The following OR8J3 variants were observed in gnomAD, a reference collection of about 807,000 sequenced individuals.
OR8J3 encodes olfactory receptor family 8 subfamily J member 3.
For missense variants in OR8J3, 418 were observed against 379.8 expected, an observed-to-expected ratio of 1.10 and a Z score of -0.84; for synonymous variants, 170 against 142.6, an observed-to-expected ratio of 1.19 and a Z score of -1.37.
chr11:56,139,976 G>A (rs1854373078), intron 1 of OR8J3, among the ~76,000 whole-genome samples, 197 bp downstream of exon 1: 1 of 152,242 alleles, frequency 6.6e-6, no homozygotes, highest in South Asian at 2.1e-4. Context: ...GAATAGGACA[G>A]GAGGGGCACT....
In OR8J3 at chr11:56,137,413, TC is replaced by T; in HGVS notation, c.305del (p.Gly102GlufsTer11). ...CCGATACAATAAAGAACAAGAACCC[TC>T]CCAGTTGGGTGGCACATTCATAGAA... ...TSFYECATQL[G>X]GFLFFIVSEV... On this transcript the variant is annotated frameshift_variant, in exon 2 of 2. Coordinates refer to ENST00000642058, the MANE Select transcript of OR8J3 (RefSeq NM_001004064.2). LOFTEE classifies it low-confidence loss of function (END_TRUNC). 1 of 1,614,134 alleles carries T rather than the reference TC, an allele frequency of 6.2e-7. No individual in the cohort carries two copies. Among genetic ancestry groups the T allele is most frequent in the Non-Finnish European group, 8.5e-7 (1 of 1,180,036 alleles).
rs1317731348 is a variant in OR8J3 at position 56,136,059 on chromosome 11, C to A, written c.*712G>T. On this transcript the variant is annotated 3_prime_UTR_variant, in exon 2 of 2. Coordinates refer to ENST00000642058, the MANE Select transcript of OR8J3 (RefSeq NM_001004064.2). ...ATACAAAAATAGAACATTTGTTTTACCTATGAAGGATGAATGATATTTAGA... is the reference window on the plus strand; with the variant it reads ...ATACAAAAATAGAACATTTGTTTTAACTATGAAGGATGAATGATATTTAGA... The A allele has an allele frequency of 4.0e-5, 6 of 151,640 alleles. No individual in the cohort carries two copies. In the East Asian group the frequency reaches 1.2e-3, roughly 29 times the overall value. 9.4% of individuals were successfully genotyped at this position (151,640 alleles called of 1,614,324 possible).
Position 56,137,558 on chromosome 11 carries a change from C to T in OR8J3, c.161G>A (p.Arg54Gln), listed in dbSNP as rs374611001. 22 of 1,614,022 alleles carry T rather than the reference C, an allele frequency of 1.4e-5. No homozygotes were observed. The highest frequency in any genetic ancestry group is 1.6e-4 in the Middle Eastern group (1 of 6,084). The change falls in exon 2 of 2, where the codon CGA (arginine) becomes CAA (glutamine). Residue 54 changes from arginine to glutamine, a missense_variant. Arg to Gln is a conservative substitution (Grantham distance 43). Coordinates refer to ENST00000642058, the MANE Select transcript of OR8J3 (RefSeq NM_001004064.2). ...GIITLTSVDS[R>Q]LQNPMYFFLR... is the part of the protein sequence containing the mutation. ...GAAAAAGTACATGGGGTTTTGAAGTCGAGAGTCAACACTGGTGAGGGTGAT... is the reference window on the plus strand; with the variant it reads ...GAAAAAGTACATGGGGTTTTGAAGTTGAGAGTCAACACTGGTGAGGGTGAT...
At position 56,136,807 on chromosome 11, in the gene OR8J3, G is replaced by T. The variant is rs1211417904; in HGVS notation, c.912C>A (p.Phe304Leu). Reference protein sequence around the residue: ...NNDVNVALKKFMENPCYSFKS... With the variant: ...NNDVNVALKKLMENPCYSFKS... ...TAAAGGAGTAACATGGATTTTCCATGAATTTCTTTAAGGCAACATTTACAT... is the reference window on the plus strand; with the variant it reads ...TAAAGGAGTAACATGGATTTTCCATTAATTTCTTTAAGGCAACATTTACAT... The change falls in exon 2 of 2, where the codon TTC (phenylalanine) becomes TTA (leucine). Residue 304 changes from phenylalanine to leucine, a missense_variant. Transcript: ENST00000642058. 3 of 1,598,078 alleles carry T rather than the reference G, an allele frequency of 1.9e-6. No individual in the cohort carries two copies. Among genetic ancestry groups the T allele is most frequent in the South Asian group, 1.1e-5 (1 of 87,970 alleles).
chr11:56,139,996 A>G (rs56358425), intron 1 of OR8J3, among the ~76,000 whole-genome samples, 177 bp downstream of exon 1: 2,353 of 152,380 alleles, frequency 0.015, 36 homozygotes, highest in South Asian at 0.038. Context: ...TAGGTAAATA[A>G]TGATAGACAA....
At chr11:56,138,693 CAA>C (rs71055574) in intron 1 of OR8J3, among the ~76,000 whole-genome samples, 196 bp from the exon 2 acceptor site, 85,764 of 145,378 alleles carry the variant, frequency 0.59, 25,456 homozygotes, top group East Asian at 0.85. Flanking sequence ...GACTCCGTCT[CAA>C]AAAAAAAAAA....
At chr11:56,139,264 C>T (rs1293310945) in intron 1 of OR8J3, among the ~76,000 whole-genome samples, 1 of 151,820 alleles carries the variant, frequency 6.6e-6, no homozygotes, top group Non-Finnish European at 1.5e-5. Flanking sequence ...TTTAAAAGCC[C>T]AGAGCTATTC....
rs1854321683 is a variant in OR8J3 at position 56,135,470 on chromosome 11, TA to T, written c.*1300del. ...TGAATATCTCAACACCAAGGCAAAT[TA>T]AAAGATATCCAATCACTACTTTTCC... is the stretch of plus-strand genomic sequence containing the variant. On this transcript the variant is annotated 3_prime_UTR_variant, in exon 2 of 2. Transcript: ENST00000642058. 1 of 152,044 alleles carries T rather than the reference TA, an allele frequency of 6.6e-6. No individual in the cohort carries two copies. The highest frequency in any genetic ancestry group is 1.5e-5 in the Non-Finnish European group (1 of 67,880). The allele number at this position is 152,044 out of a possible 1,614,324, so 9.4% of individuals were successfully genotyped here. A position where few individuals can be genotyped will look rare whatever the true frequency, so the allele number is the denominator to read the frequency against.
Position 56,137,476 on chromosome 11 carries a change from C to A in OR8J3, c.243G>T (p.Met81Ile), listed in dbSNP as rs754315706. Residue 81 changes from methionine to isoleucine, a missense_variant, in exon 2 of 2, where the codon ATG (methionine) becomes ATT (isoleucine). Physicochemically the swap from Met to Ile is conservative, Grantham distance 10. Transcript: ENST00000642058. The stretch of plus-strand genomic sequence containing the variant: ...TCTTCTTTACTAAAAAGTTCATCAG[C>A]ATTTTAGGGGCAATGACAGTAGAGT... ...LGNSTVIAPK[M>I]LMNFLVKKKT... 1 of 1,614,172 alleles carries A rather than the reference C, an allele frequency of 6.2e-7. No individual in the cohort carries two copies. The highest frequency in any genetic ancestry group is 1.1e-5 in the South Asian group (1 of 91,076).
chr11:56,136,789 G>A lies in OR8J3; in HGVS notation c.930C>T (p.Tyr310=). The change falls in exon 2 of 2, where the codon TAC becomes TAT. Residue 310 remains tyrosine, a synonymous_variant. Coordinates refer to ENST00000642058, the MANE Select transcript of OR8J3 (RefSeq NM_001004064.2). The stretch of plus-strand genomic sequence containing the variant: ...TCTAAAATTACATTGATTTAAAGGA[G>A]TAACATGGATTTTCCATGAATTTCT... The part of the protein sequence containing the change: ...ALKKFMENPC[Y]SFKSM 1 of 1,576,972 alleles carries A rather than the reference G, an allele frequency of 6.3e-7. No homozygotes were observed. The highest frequency in any genetic ancestry group is 8.6e-7 in the Non-Finnish European group (1 of 1,157,670).
chr11:56,139,021 T>A (rs564841672), intron 1 of OR8J3, among the ~76,000 whole-genome samples: 8 of 152,152 alleles, frequency 5.3e-5, no homozygotes, highest in Non-Finnish European at 1.2e-4. Context: ...TTGCATGTAT[T>A]TGCCATAGAT....
chr11:56,134,763 T>G lies in OR8J3; in HGVS notation c.*2008A>C, dbSNP rs889206391. The G allele has an allele frequency of 6.6e-6, 1 of 152,038 alleles. No homozygotes were observed. The highest frequency in any genetic ancestry group is 2.4e-5 in the African/African-American group (1 of 41,428). 9.4% of individuals were successfully genotyped at this position (152,038 alleles called of 1,614,324 possible). A position where few individuals can be genotyped will look rare whatever the true frequency, so the allele number is the denominator to read the frequency against. ...TCAGTGTTTTAATATTTTTCCCTACTTTAGCATCAAAATAAAGTCATATTT... is the reference window on the plus strand; with the variant it reads ...TCAGTGTTTTAATATTTTTCCCTACGTTAGCATCAAAATAAAGTCATATTT... On this transcript the variant is annotated 3_prime_UTR_variant, in exon 2 of 2. Coordinates refer to ENST00000642058, the MANE Select transcript of OR8J3 (RefSeq NM_001004064.2).
Position 56,136,758 on chromosome 11 carries a change from T to C in OR8J3, c.*13A>G. 2 of 1,409,576 alleles carry C rather than the reference T, an allele frequency of 1.4e-6. No individual in the cohort carries two copies. Among genetic ancestry groups the C allele is most frequent in the East Asian group, 2.3e-5 (1 of 43,420 alleles). The allele number at this position is 1,409,576 out of a possible 1,614,324, so 87.3% of individuals were successfully genotyped here. On this transcript the variant is annotated 3_prime_UTR_variant, in exon 2 of 2. Transcript: ENST00000642058. ...CATGAACTATCTCTTCATTTATTTA[T>C]AGAGCTCTAAAATTACATTGATTTA...
In OR8J3 at chr11:56,137,146, A is replaced by T; in HGVS notation, c.573T>A (p.Asp191Glu). 6.2e-7 allele frequency: 1 copy of T among 1,613,492 alleles called. No individual in the cohort carries two copies. The highest frequency in any genetic ancestry group is 8.5e-7 in the Non-Finnish European group (1 of 1,179,780). The change falls in exon 2 of 2, where the codon GAT becomes GAA. Residue 191 changes from aspartate (D) to glutamate (E), a missense_variant. Asp to Glu is a conservative substitution (Grantham distance 45, BLOSUM62 2). Transcript: ENST00000642058. ...AGACTATTGTTTCTGGTATGTAAGT[A>T]TCAGAGCAAGATAATGCTAACAGAG... is the stretch of plus-strand genomic sequence containing the variant. ...IAPLLALSCS[D>E]TYIPETIVFI...
Position 56,135,155 on chromosome 11 carries a change from A to G in OR8J3, c.*1616T>C, listed in dbSNP as rs1854318263. The G allele has an allele frequency of 6.6e-6, 1 of 152,024 alleles. No homozygotes were observed. Among genetic ancestry groups the G allele is most frequent in the African/African-American group, 2.4e-5 (1 of 41,438 alleles). 9.4% of individuals were successfully genotyped at this position (152,024 alleles called of 1,614,324 possible). On this transcript the variant is annotated 3_prime_UTR_variant, in exon 2 of 2. Coordinates refer to ENST00000642058, the MANE Select transcript of OR8J3 (RefSeq NM_001004064.2). ...TTGAGGACCTTGTTAATAGTTTATAAAAACTGAGTTTGGTGGAACAAATTT... is the reference window on the plus strand; with the variant it reads ...TTGAGGACCTTGTTAATAGTTTATAGAAACTGAGTTTGGTGGAACAAATTT...
rs1170924173 is a variant in OR8J3, at chr11:56,134,937, C to T, written c.*1834G>A. 1 of 151,930 alleles carries T rather than the reference C, an allele frequency of 6.6e-6. No individual in the cohort carries two copies. The highest frequency in any genetic ancestry group is 1.5e-5 in the Non-Finnish European group (1 of 67,904). The allele number at this position is 151,930 out of a possible 1,614,324, so 9.4% of individuals were successfully genotyped here. A position where few individuals can be genotyped will look rare whatever the true frequency, so the allele number is the denominator to read the frequency against. On this transcript the variant is annotated 3_prime_UTR_variant, in exon 2 of 2. Transcript: ENST00000642058. ...ATAGTACTCCATTCATTTATTATCG[C>T]ACTAGGTAAACCAATGATTTTTCAA... is the stretch of plus-strand genomic sequence containing the variant.
At chr11:56,139,091 T>G (rs1854364603) in intron 1 of OR8J3, among the ~76,000 whole-genome samples, 1 of 152,188 alleles carries the variant, frequency 6.6e-6, no homozygotes, top group African/African-American at 2.4e-5. Flanking sequence ...TTAATCATGA[T>G]TATTTGCCCC....
Position 56,136,860 on chromosome 11 carries a change from G to A in OR8J3, c.859C>T (p.Pro287Ser). Residue 287 changes from proline (P) to serine (S), a missense_variant, in exon 2 of 2, where the codon CCC becomes TCC. Transcript: ENST00000642058. ...TTATTCCTCAGGCTGTAGATCAAGGGATTCAGCATAGGAATCACCAATGTG... is the reference window on the plus strand; with the variant it reads ...TTATTCCTCAGGCTGTAGATCAAGGAATTCAGCATAGGAATCACCAATGTG... ...FYTLVIPMLNPLIYSLRNNDV... is the reference protein window; with the variant it reads ...FYTLVIPMLNSLIYSLRNNDV... The A allele has an allele frequency of 2.5e-6, 4 of 1,613,488 alleles. No homozygotes were observed. Among genetic ancestry groups the A allele is most frequent in the Non-Finnish European group, 3.4e-6 (4 of 1,179,700 alleles).
rs1372790903 is a variant in OR8J3, at chr11:56,135,989, G to A, written c.*782C>T. 1 of 151,902 alleles carries A rather than the reference G, an allele frequency of 6.6e-6. No individual in the cohort carries two copies. The highest frequency in any genetic ancestry group is 1.5e-5 in the Non-Finnish European group (1 of 67,878). The allele number at this position is 151,902 out of a possible 1,614,324, so 9.4% of individuals were successfully genotyped here. A position where few individuals can be genotyped will look rare whatever the true frequency, so the allele number is the denominator to read the frequency against. ...CAAAAATTCAAAAAATATTTCTGATGATGTAAGAAACTCCCATGAACAAGT... is the reference window on the plus strand; with the variant it reads ...CAAAAATTCAAAAAATATTTCTGATAATGTAAGAAACTCCCATGAACAAGT... On this transcript the variant is annotated 3_prime_UTR_variant, in exon 2 of 2. Transcript: ENST00000642058.
Sources: gnomAD v4.1 joint callset for allele counts (sites outside exome capture counted in the v4.1 genomes callset) on GRCh38, gnomAD v4.1.1 for gene constraint, MANE v1.5 for transcripts, NCBI Gene and HGNC (gene_info 2026-07-23, HGNC 2026-07-21) for gene names.